GALNT7: variants seen among roughly 807,000 people sequenced by gnomAD.
GALNT7 encodes N-acetylgalactosaminyltransferase 7.
Under a neutral mutation model 82.1 loss-of-function variants are expected in GALNT7, and 60 were observed. The observed-to-expected ratio is 0.73, with a 90% CI of 0.59 to 0.91. The LOEUF is 0.91. GALNT7 is among the 40% of genes least tolerant of loss of function. The pLI is 0.00. For missense variants in GALNT7, 660 were observed against 804.2 expected (o/e 0.82, Z 2.17); for synonymous variants, 243 against 275.1 (o/e 0.88, Z 1.15).
chr4:173,289,392 G>A (rs1347214175), intron 2 of GALNT7, among the ~76,000 whole-genome samples: 3 of 152,204 alleles, frequency 2.0e-5, no homozygotes, highest in Non-Finnish European at 4.4e-5. Context: ...ACACAAGGGT[G>A]GGGGTGGAGC....
rs1389319538 is a variant in GALNT7 at position 173,322,538 on chromosome 4, A to G, written c.*821A>G. ...TCCATACCTACTTCTAGGATTGCAA[A>G]GGAGTCTTCCAACTAGAGAAAAATT... On this transcript the variant is annotated 3_prime_UTR_variant, in exon 12 of 12. Coordinates refer to ENST00000265000, the MANE Select transcript of GALNT7 (RefSeq NM_017423.3). The G allele has an allele frequency of 6.6e-6, 1 of 152,194 alleles. No homozygotes were observed. The highest frequency in any genetic ancestry group is 1.5e-5 in the Non-Finnish European group (1 of 68,022). 9.4% of individuals were successfully genotyped at this position (152,194 alleles called of 1,614,324 possible). A position where few individuals can be genotyped will look rare whatever the true frequency, so the allele number is the denominator to read the frequency against.
intron 9 of GALNT7, among the ~76,000 whole-genome samples, chr4:173,314,868 C>A (rs549708795): frequency 5.3e-5 from 8 of 152,288 alleles, no homozygotes; most frequent in Admixed American, 4.6e-4. Context: ...AGTCTACATC[C>A]CTCTGCTTAA....
intron 1 of GALNT7, among the ~76,000 whole-genome samples, chr4:173,194,056 A>G (rs1245847192): frequency 2.6e-5 from 4 of 152,174 alleles, no homozygotes; most frequent in African/African-American, 9.7e-5. Context: ...AATGGATTTA[A>G]AGTCTTTTTG....
chr4:173,314,215 T>C (rs1737502720), intron 9 of GALNT7, 39 bp downstream of exon 9: 1 of 1,316,800 alleles, frequency 7.6e-7, no homozygotes, highest in African/African-American at 1.4e-5. Flanking sequence ...GTTTGTAGAC[T>C]GAGTTTGGGA....
At chr4:173,189,178 A>G (rs547374405) in intron 1 of GALNT7, among the ~76,000 whole-genome samples, 1 of 152,188 alleles carries the variant, frequency 6.6e-6, no homozygotes, top group Admixed American at 6.5e-5. Context: ...GCGGTTATTT[A>G]TCAAAAAAGA....
At chr4:173,180,299 GCAATATATTTCAT>G (rs1424075327) in intron 1 of GALNT7, among the ~76,000 whole-genome samples, 3 of 147,192 alleles carry the variant, frequency 2.0e-5, no homozygotes, top group Non-Finnish European at 4.5e-5. Context: ...AATTTACCAT[GCAATATATTTCAT>G]CATATTGGAG....
chr4:173,309,195 C>T lies in GALNT7; in HGVS notation c.1390-4763C>T, dbSNP rs1473965078. Among the ~76,000 whole-genome samples the T allele has an allele frequency of 3.3e-5, 5 of 152,074 alleles. No homozygotes were observed. The South Asian group carries it at 6.2e-4, about 19-fold the overall frequency. ...TGTTTTAGTAGGATGAGCATCCTCC[C>T]GGGCTTCTTTCCCAGTCACACGTTT... On this transcript the variant is annotated intron_variant, in intron 8 of 11. Coordinates refer to ENST00000265000, the MANE Select transcript of GALNT7 (RefSeq NM_017423.3).
At chr4:173,186,780 C>CT (rs764454612) in intron 1 of GALNT7, among the ~76,000 whole-genome samples, 2,716 of 145,892 alleles carry the variant, frequency 0.019, 60 homozygotes, top group East Asian at 0.057. Flanking sequence ...TGTTTACTTA[C>CT]TTTTTTTTTT....
At chr4:173,223,258 C>A (rs892695018) in intron 1 of GALNT7, among the ~76,000 whole-genome samples, 1 of 152,152 alleles carries the variant, frequency 6.6e-6, no homozygotes, top group Non-Finnish European at 1.5e-5. Flanking sequence ...ATGCAATAAA[C>A]TTCCCCTCCC....
At chr4:173,183,588 C>T (rs1732345593) in intron 1 of GALNT7, among the ~76,000 whole-genome samples, 1 of 152,196 alleles carries the variant, frequency 6.6e-6, no homozygotes, top group South Asian at 2.1e-4. Flanking sequence ...ATCTCTCTTT[C>T]TTTTCCCCAC....
chr4:173,181,939 C>G (rs984475692), intron 1 of GALNT7, among the ~76,000 whole-genome samples: 1 of 152,142 alleles, frequency 6.6e-6, no homozygotes, highest in Non-Finnish European at 1.5e-5. Flanking sequence ...TACACTATGA[C>G]TAAATGGAAA....
chr4:173,222,130 C>T (rs72995608), intron 1 of GALNT7, among the ~76,000 whole-genome samples: 7,458 of 152,220 alleles, frequency 0.049, 415 homozygotes, highest in African/African-American at 0.12. Flanking sequence ...GGTATCAGCG[C>T]GTGCTTGGCA....
intron 2 of GALNT7, among the ~76,000 whole-genome samples, chr4:173,261,672 A>C (rs1212176024): frequency 1.3e-5 from 2 of 152,218 alleles, no homozygotes; most frequent in African/African-American, 4.8e-5. Context: ...AAAAAAAATT[A>C]GCCAGGTGTG....
intron 1 of GALNT7, among the ~76,000 whole-genome samples, chr4:173,200,310 G>C (rs751641812): frequency 2.6e-5 from 4 of 151,840 alleles, no homozygotes; most frequent in Non-Finnish European, 5.9e-5. Flanking sequence ...TCCCTTGATT[G>C]TTTCAGGCAG....
At chr4:173,212,085 A>G (rs1418627900) in intron 1 of GALNT7, among the ~76,000 whole-genome samples, 1 of 152,238 alleles carries the variant, frequency 6.6e-6, no homozygotes, top group Non-Finnish European at 1.5e-5. Context: ...CAAGGACAGC[A>G]CACGTGCTAT....
At chr4:173,297,739 A>T (rs1281287895) in intron 5 of GALNT7, 4 of 805,562 alleles carry the variant, frequency 5.0e-6, no homozygotes, top group Non-Finnish European at 5.3e-6. Context: ...GTAGTTAGGC[A>T]TGCTGAACTA....
chr4:173,297,990 A>G lies in GALNT7; in HGVS notation c.966-125A>G, dbSNP rs1044278201. ...CTGAACCTTATCGGTAAAGACTATT[A>G]CTTTATTTTCTTATGTTGAATGTTT... On this transcript the variant is annotated intron_variant, in intron 5 of 11. Coordinates refer to ENST00000265000, the MANE Select transcript of GALNT7 (RefSeq NM_017423.3). 4.6e-6 allele frequency: 7 copies of G among 1,506,048 alleles called. No homozygotes were observed. In the African/African-American group the frequency reaches 1.0e-4, roughly 21 times the overall value. The allele number at this position is 1,506,048 out of a possible 1,614,324, so 93.3% of individuals were successfully genotyped here.
intron 1 of GALNT7, among the ~76,000 whole-genome samples, chr4:173,178,377 T>C (rs1732141442): frequency 1.3e-5 from 2 of 152,138 alleles, no homozygotes; most frequent in South Asian, 4.1e-4. Context: ...TTTTTAAAAA[T>C]GAGGTTTATC....
chr4:173,276,060 A>G (rs1735896024), intron 2 of GALNT7, among the ~76,000 whole-genome samples: 1 of 152,200 alleles, frequency 6.6e-6, no homozygotes, highest in South Asian at 2.1e-4. Context: ...TAATTCCATG[A>G]GCATTGATTT....
Sources: allele counts gnomAD v4.1 joint callset (sites outside exome capture counted in the v4.1 genomes callset), GRCh38; gene constraint gnomAD v4.1.1; transcripts MANE v1.5; gene names NCBI Gene and HGNC (gene_info 2026-07-23, HGNC 2026-07-21).